The following GPR157 variants were observed in gnomAD, a reference collection of about 807,000 sequenced individuals.
GPR157 encodes the protein G protein-coupled receptor 157.
In GPR157, 16 loss-of-function variants were observed where a neutral mutation model predicts 23.5. The observed-to-expected ratio is 0.68, with a 90% confidence interval of 0.46 to 1.04. The LOEUF (loss-of-function observed/expected upper bound fraction) is 1.04, where lower values mean the gene tolerates loss of function less well. GPR157 is among the 50% of genes least tolerant of loss of function. The probability of loss-of-function intolerance (pLI) is 0.00; values close to 1 mark genes in which losing one functional copy is unlikely to be tolerated. For missense variants in GPR157, 440 were observed against 460.7 expected, an observed-to-expected ratio of 0.96 and a Z score of 0.41; for synonymous variants, 200 against 221.5, an observed-to-expected ratio of 0.90 and a Z score of 0.86.
At position 9,123,174 on chromosome 1, in the gene GPR157, A is replaced by ATAT. The variant is rs1338512815; in HGVS notation, c.383+5470_383+5471insATA. Among the ~76,000 whole-genome samples the ATAT allele has an allele frequency of 3.8e-3, 446 of 117,054 alleles. 2 individuals carry two copies. Among genetic ancestry groups the ATAT allele is most frequent in the East Asian group, 0.017 (75 of 4,356 alleles). 76.8% of individuals were successfully genotyped at this position (117,054 alleles called of 152,430 possible). A position where few individuals can be genotyped will look rare whatever the true frequency, so the allele number is the denominator to read the frequency against. On this transcript the variant is annotated intron_variant, in intron 1 of 3. Coordinates refer to ENST00000377411, the MANE Select transcript of GPR157 (RefSeq NM_024980.5). ...ACTGTCTTGGGTGGGAAAAAAAAAA[A>ATAT]ATATATATATATATATATAAATAAA... is the stretch of plus-strand genomic sequence containing the variant.
At chr1:9,119,080 G>A (rs973945064) in intron 1 of GPR157, among the ~76,000 whole-genome samples, 3 of 149,592 alleles carry the variant, frequency 2.0e-5, no homozygotes, top group Non-Finnish European at 4.4e-5. Flanking sequence ...CTCCCAGGCT[G>A]GAGTGCACTG....
intron 2 of GPR157, among the ~76,000 whole-genome samples, chr1:9,109,196 C>T (rs1638421583): frequency 6.6e-6 from 1 of 150,686 alleles, no homozygotes; most frequent in African/African-American, 2.5e-5. Context: ...GATTCTCCTG[C>T]CTCAGCCTCC....
In GPR157 at chr1:9,104,311, G is replaced by T. The variant is rs912994956; in HGVS notation, c.*108C>A. 3.1e-5 allele frequency: 24 copies of T among 777,434 alleles called. No individual in the cohort carries two copies. Among genetic ancestry groups the T allele is most frequent in the Admixed American group, 5.1e-5 (2 of 38,912 alleles). The allele number at this position is 777,434 out of a possible 1,614,324, so 48.2% of individuals were successfully genotyped here. A position where few individuals can be genotyped will look rare whatever the true frequency, so the allele number is the denominator to read the frequency against. ...TGGAGCCGAGAGCATCAATAGCGGG[G>T]GCTTCTGGTGCAGCAGACATGCACT... On this transcript the variant is annotated 3_prime_UTR_variant, in exon 4 of 4. Coordinates refer to ENST00000377411, the MANE Select transcript of GPR157 (RefSeq NM_024980.5).
chr1:9,123,804 A>AATATTATATATATT (rs1557701504), intron 1 of GPR157, among the ~76,000 whole-genome samples: 3 of 126,092 alleles, frequency 2.4e-5, no homozygotes. Flanking sequence ...TTATATATAT[A>AATATTATATATATT]TAATATTAAA....
intron 1 of GPR157, among the ~76,000 whole-genome samples, chr1:9,112,771 G>A (rs1368050929): frequency 6.6e-6 from 1 of 151,990 alleles, no homozygotes; most frequent in Non-Finnish European, 1.5e-5. Flanking sequence ...GTTTTCTAGA[G>A]CGCTCTCCCA....
intron 2 of GPR157, among the ~76,000 whole-genome samples, chr1:9,106,971 T>G (rs1638355890): frequency 6.6e-6 from 1 of 151,926 alleles, no homozygotes; most frequent in Non-Finnish European, 1.5e-5. Flanking sequence ...CAAAAATAAA[T>G]AAGTAAATAA....
In GPR157 at chr1:9,105,696, G is replaced by A. The variant is rs773196562; in HGVS notation, c.598-16C>T. 2.1e-5 allele frequency: 33 copies of A among 1,586,404 alleles called. No individual in the cohort carries two copies. Among genetic ancestry groups the A allele is most frequent in the African/African-American group, 4.0e-5 (3 of 74,552 alleles). On this transcript the variant is annotated splice_polypyrimidine_tract_variant and intron_variant, in intron 2 of 3. Transcript: ENST00000377411. The surrounding 1 kb of genome is among the most constrained non-coding windows in gnomAD (Gnocchi z 4.8). Reference sequence around the variant, plus strand: ...GTGCCGTGTGCTGTGTGGGGACAGCGAGGGCAGACTTGAGTGGATAGGCAC... The same window carrying A: ...GTGCCGTGTGCTGTGTGGGGACAGCAAGGGCAGACTTGAGTGGATAGGCAC...
intron 1 of GPR157, 53 bp from the exon 2 acceptor site, chr1:9,111,542 A>G: frequency 6.7e-7 from 1 of 1,487,040 alleles, no homozygotes; most frequent in East Asian, 2.3e-5. Context: ...GCTCCCGGCA[A>G]TGTCAGCCTT....
At chr1:9,116,958 C>G (rs76827989) in intron 1 of GPR157, among the ~76,000 whole-genome samples, 1 of 151,992 alleles carries the variant, frequency 6.6e-6, no homozygotes, top group African/African-American at 2.4e-5. Flanking sequence ...CCAGGCTGGT[C>G]TTGAACTCCT....
At chr1:9,111,172 C>T (rs374441092) in intron 2 of GPR157, 104 bp downstream of exon 2, 5 of 1,032,212 alleles carry the variant, frequency 4.8e-6, no homozygotes, top group South Asian at 2.7e-5. Flanking sequence ...GTTCTGTCCC[C>T]AGAGACGCAA....
chr1:9,108,353 C>A (rs973128486), intron 2 of GPR157, among the ~76,000 whole-genome samples: 4 of 152,208 alleles, frequency 2.6e-5, no homozygotes, highest in Admixed American at 6.5e-5. Flanking sequence ...CACTTCGATC[C>A]CGTTTTTCTG....
Position 9,116,184 on chromosome 1 carries a change from A to AT in GPR157, c.384-4696dup, listed in dbSNP as rs1314083469. ...TATATAATATAATTATATATATTAT[A>AT]TATATAATATAATTATATATATAAT... On this transcript the variant is annotated intron_variant, in intron 1 of 3. Transcript: ENST00000377411. Among the ~76,000 whole-genome samples the AT allele has an allele frequency of 8.2e-4, 41 of 50,192 alleles. 13 individuals carry two copies. Among genetic ancestry groups the AT allele is most frequent in the African/African-American group, 3.6e-3 (35 of 9,628 alleles). 32.9% of individuals were successfully genotyped at this position (50,192 alleles called of 152,430 possible). A position where few individuals can be genotyped will look rare whatever the true frequency, so the allele number is the denominator to read the frequency against.
intron 3 of GPR157, among the ~76,000 whole-genome samples, chr1:9,104,873 C>T (rs893034087): frequency 6.6e-6 from 1 of 151,666 alleles, no homozygotes; most frequent in Non-Finnish European, 1.5e-5. Context: ...TGGTGGTGGG[C>T]GCCTGTAGTC....
At chr1:9,116,249 A>ATAT (rs377052761) in intron 1 of GPR157, among the ~76,000 whole-genome samples, 1 of 5,146 alleles carries the variant, frequency 1.9e-4, no homozygotes, top group Non-Finnish European at 2.5e-4. Flanking sequence ...ATATATAATT[A>ATAT]TATATATATT....
intron 1 of GPR157, among the ~76,000 whole-genome samples, chr1:9,121,334 A>C (rs1397842079): frequency 2.0e-5 from 3 of 149,748 alleles, no homozygotes; most frequent in Admixed American, 6.7e-5. Flanking sequence ...TCTGTCTCAA[A>C]AAAACAAAAC....
In GPR157 at chr1:9,107,576, G is replaced by C. The variant is rs1007086726; in HGVS notation, c.598-1896C>G. On this transcript the variant is annotated intron_variant, in intron 2 of 3. Transcript: ENST00000377411. ...GAGGCGGGCAGATTACTTGAGGCCA[G>C]GTGTTCAAAACCAGCCTGGCCAACA... is the stretch of plus-strand genomic sequence containing the variant. 1.5e-4 allele frequency among the ~76,000 whole-genome samples: 23 copies of C among 152,170 alleles called. No individual in the cohort carries two copies. The East Asian group carries it at 3.5e-3, about 23-fold the overall frequency.
At chr1:9,110,876 T>TC (rs34452467) in intron 2 of GPR157, among the ~76,000 whole-genome samples, 2,775 of 152,282 alleles carry the variant, frequency 0.018, 61 homozygotes, top group African/African-American at 0.052. Flanking sequence ...CGGCCTTGGG[T>TC]CTGTCCTCAC....
chr1:9,122,193 T>G (rs1404030553), intron 1 of GPR157, among the ~76,000 whole-genome samples: 1 of 152,092 alleles, frequency 6.6e-6, no homozygotes, highest in Non-Finnish European at 1.5e-5. Flanking sequence ...CTCCCTCAGG[T>G]GGGCGTGGTA....
chr1:9,123,243 A>AAAATATAT (rs1638845838), intron 1 of GPR157, among the ~76,000 whole-genome samples: 1 of 21,072 alleles, frequency 4.7e-5, no homozygotes, highest in African/African-American at 1.3e-4. Context: ...AATATATATT[A>AAAATATAT]ATTTAAATAT....
Sources: allele counts gnomAD v4.1 joint callset (sites outside exome capture counted in the v4.1 genomes callset), GRCh38; gene constraint gnomAD v4.1.1; non-coding constraint Gnocchi (gnomAD v3.1); transcripts MANE v1.5; gene names NCBI Gene and HGNC (gene_info 2026-07-23, HGNC 2026-07-21).